The following TMTC2 variants were observed in gnomAD, a reference collection of about 807,000 sequenced individuals.
The protein encoded by TMTC2 is protein O-mannosyl-transferase TMTC2.
A neutral mutation model predicts 82.4 loss-of-function variants in TMTC2; 43 were observed. The observed-to-expected ratio is 0.52, with a 90% CI of 0.41 to 0.67. TMTC2 has a LOEUF of 0.67. Ranked by LOEUF, TMTC2 falls within the 30% of genes least tolerant of loss-of-function variation. The pLI is 0.00. For synonymous variants in TMTC2, 408 were observed against 381.9 expected, an observed-to-expected ratio of 1.07 and a Z score of -0.80; for missense variants, 919 against 1,012.4, an observed-to-expected ratio of 0.91 and a Z score of 1.25.
At chr12:82,748,895 T>TAC (rs753847996) in intron 1 of TMTC2, among the ~76,000 whole-genome samples, 1 of 152,158 alleles carries the variant, frequency 6.6e-6, no homozygotes, top group Non-Finnish European at 1.5e-5. Context: ...ATCACACACA[T>TAC]ACACACACAC....
chr12:83,000,377 G>A (rs542388185), intron 8 of TMTC2, among the ~76,000 whole-genome samples: 5 of 152,140 alleles, frequency 3.3e-5, no homozygotes, highest in African/African-American at 7.2e-5. Flanking sequence ...CCCATGATCC[G>A]CCCTCCTCAG....
At chr12:82,920,197 T>G (rs898896874) in intron 3 of TMTC2, among the ~76,000 whole-genome samples, 12 of 152,142 alleles carry the variant, frequency 7.9e-5, no homozygotes, top group Non-Finnish European at 1.6e-4. Flanking sequence ...ATTACTAACA[T>G]AAGAAAAAAT....
At chr12:83,091,740 T>G (rs1256208043) in intron 11 of TMTC2, among the ~76,000 whole-genome samples, 1 of 152,232 alleles carries the variant, frequency 6.6e-6, no homozygotes, top group African/African-American at 2.4e-5. Flanking sequence ...TGTATTAAGA[T>G]CTCTGTCTTT....
chr12:82,988,475 GCAC>G (rs1879264890), intron 8 of TMTC2, among the ~76,000 whole-genome samples: 1 of 152,082 alleles, frequency 6.6e-6, no homozygotes, highest in African/African-American at 2.4e-5. Flanking sequence ...CAGCAACTAG[GCAC>G]CTGCCTTCAA....
chr12:82,735,503 G>A (rs1047430450), intron 1 of TMTC2, among the ~76,000 whole-genome samples: 3 of 151,674 alleles, frequency 2.0e-5, no homozygotes, highest in African/African-American at 4.8e-5. Flanking sequence ...CCGCCACCAC[G>A]CCCGGCTAAT....
chr12:82,769,506 A>AG (rs71068953), intron 1 of TMTC2, among the ~76,000 whole-genome samples: 152,257 of 152,258 alleles, frequency 1, 76,128 homozygotes, highest in Middle Eastern at 1. Flanking sequence ...AAAAGATGTA[A>AG]GGGTAACTGC....
At chr12:82,744,288 G>A (rs1875567353) in intron 1 of TMTC2, among the ~76,000 whole-genome samples, 1 of 152,184 alleles carries the variant, frequency 6.6e-6, no homozygotes, top group East Asian at 1.9e-4. Flanking sequence ...GCTGGGCGTA[G>A]TGGCACATGC....
intron 1 of TMTC2, among the ~76,000 whole-genome samples, chr12:82,829,525 A>G (rs1869636946): frequency 6.6e-6 from 1 of 152,198 alleles, no homozygotes; most frequent in African/African-American, 2.4e-5. Flanking sequence ...AAATATTTAC[A>G]GTGAAGAGAT....
chr12:83,059,401 T>A (rs1425619755), intron 10 of TMTC2, among the ~76,000 whole-genome samples: 2 of 151,828 alleles, frequency 1.3e-5, no homozygotes, highest in Non-Finnish European at 2.9e-5. Context: ...TAAATGAGCA[T>A]TCCGTGGGTA....
chr12:82,961,491 T>A (rs1300295719), intron 4 of TMTC2, among the ~76,000 whole-genome samples: 1 of 152,012 alleles, frequency 6.6e-6, no homozygotes, highest in Non-Finnish European at 1.5e-5. Flanking sequence ...ATTGAAGTAT[T>A]TCATCTCTTT....
At chr12:82,740,637 A>G (rs1875353703) in intron 1 of TMTC2, among the ~76,000 whole-genome samples, 1 of 152,128 alleles carries the variant, frequency 6.6e-6, no homozygotes, top group Non-Finnish European at 1.5e-5. Context: ...AGCTCGCCTG[A>G]AGTATTTTGC....
At chr12:82,724,394 C>A (rs1388381944) in intron 1 of TMTC2, among the ~76,000 whole-genome samples, 2 of 152,112 alleles carry the variant, frequency 1.3e-5, no homozygotes, top group Admixed American at 6.5e-5. Flanking sequence ...GAGGGAGGAA[C>A]CTAGTGGGAG....
At chr12:82,935,029 A>C (rs901902158) in intron 4 of TMTC2, among the ~76,000 whole-genome samples, 1 of 152,174 alleles carries the variant, frequency 6.6e-6, no homozygotes, top group African/African-American at 2.4e-5. Flanking sequence ...TAACCTTTAT[A>C]TGTAGAAATA....
intron 1 of TMTC2, among the ~76,000 whole-genome samples, chr12:82,782,099 A>G (rs1056038514): frequency 1.3e-5 from 2 of 152,094 alleles, no homozygotes; most frequent in African/African-American, 4.8e-5. Flanking sequence ...ATAAATAAAC[A>G]ATGAAGGATT....
At chr12:82,953,624 A>G (rs560188884) in intron 4 of TMTC2, among the ~76,000 whole-genome samples, 1 of 152,310 alleles carries the variant, frequency 6.6e-6, no homozygotes, top group South Asian at 2.1e-4. Context: ...AAAGTGAGCA[A>G]ATGTGTCTGT....
intron 1 of TMTC2, among the ~76,000 whole-genome samples, chr12:82,804,575 C>G (rs1337365506): frequency 6.6e-6 from 1 of 151,882 alleles, no homozygotes; most frequent in Non-Finnish European, 1.5e-5. Flanking sequence ...TTTAATTGCT[C>G]TTTTGAAGCA....
At chr12:82,919,631 A>G (rs1182617055) in intron 3 of TMTC2, among the ~76,000 whole-genome samples, 1 of 152,202 alleles carries the variant, frequency 6.6e-6, no homozygotes. Context: ...CTTCAAAAAT[A>G]CAACAGTGAA....
intron 1 of TMTC2, among the ~76,000 whole-genome samples, chr12:82,699,602 C>A (rs958107949): frequency 6.6e-6 from 1 of 152,150 alleles, no homozygotes; most frequent in African/African-American, 2.4e-5. Context: ...CCTGCACCGA[C>A]GTGTTTGTGT....
chr12:82,884,814 A>T (rs1020529096), intron 2 of TMTC2, among the ~76,000 whole-genome samples: 1 of 152,132 alleles, frequency 6.6e-6, no homozygotes, highest in Non-Finnish European at 1.5e-5. Flanking sequence ...GTCATTTTTC[A>T]GTTCCATGGT....
Sources: gnomAD v4.1 joint callset for allele counts (sites outside exome capture counted in the v4.1 genomes callset) on GRCh38, gnomAD v4.1.1 for gene constraint, MANE v1.5 for transcripts, NCBI Gene and HGNC (gene_info 2026-07-23, HGNC 2026-07-21) for gene names.